ZZZ3: variants seen among roughly 807,000 people sequenced by gnomAD.
ZZZ3 encodes the protein ZZ-type zinc finger-containing protein 3.
A neutral mutation model predicts 95.2 loss-of-function variants in ZZZ3; 22 were observed. The observed-to-expected ratio is 0.23, with a 90% confidence interval of 0.17 to 0.33. ZZZ3 has a LOEUF of 0.33. ZZZ3 is among the 10% of genes least tolerant of loss of function. ZZZ3 has a pLI of 1.00. For missense variants in ZZZ3, 885 were observed against 1,066.5 expected, an observed-to-expected ratio of 0.83 and a Z score of 2.37; for synonymous variants, 335 against 358.9, an observed-to-expected ratio of 0.93 and a Z score of 0.75.
At chr1:77,576,499 C>T (rs1396560177) in intron 11 of ZZZ3, among the ~76,000 whole-genome samples, 1 of 152,100 alleles carries the variant, frequency 6.6e-6, no homozygotes, top group Non-Finnish European at 1.5e-5. Context: ...ATTTATCATA[C>T]TCTTGGCAGT....
At chr1:77,601,463 A>T (rs554732116) in intron 5 of ZZZ3, among the ~76,000 whole-genome samples, 1 of 152,330 alleles carries the variant, frequency 6.6e-6, no homozygotes, top group South Asian at 2.1e-4. Flanking sequence ...CAGTAGTTGC[A>T]AAAGTATACA....
chr1:77,673,942 A>G (rs112809014), intron 1 of ZZZ3, among the ~76,000 whole-genome samples: 3 of 152,192 alleles, frequency 2.0e-5, no homozygotes, highest in African/African-American at 7.2e-5. Context: ...CAAGTCATAA[A>G]AGTCCAAAAA....
chr1:77,636,869 C>A (rs1020136851), intron 4 of ZZZ3, among the ~76,000 whole-genome samples: 4 of 152,076 alleles, frequency 2.6e-5, no homozygotes, highest in Admixed American at 6.6e-5. Flanking sequence ...TTCTTCTGTA[C>A]CCTAAAAATG....
At chr1:77,675,749 T>A (rs1557786284) in intron 1 of ZZZ3, among the ~76,000 whole-genome samples, 1 of 152,180 alleles carries the variant, frequency 6.6e-6, no homozygotes, top group Non-Finnish European at 1.5e-5. Flanking sequence ...GCCATCACAA[T>A]TTCAAAATGT....
chr1:77,681,189 A>G lies in ZZZ3; in HGVS notation c.-403+1396T>C, dbSNP rs76092848. Among the ~76,000 whole-genome samples the G allele has an allele frequency of 4.9e-3, 752 of 152,352 alleles. 7 individuals are homozygous for G. Among genetic ancestry groups the G allele is most frequent in the African/African-American group, 0.017 (718 of 41,572 alleles). On this transcript the variant is annotated intron_variant, in intron 1 of 14. Coordinates refer to ENST00000370801, the MANE Select transcript of ZZZ3 (RefSeq NM_015534.6). ...CCAAAATATGGAAATATCTGGAATG[A>G]TACACAGCAACCACAAAGGCTGGTT...
intron 5 of ZZZ3, among the ~76,000 whole-genome samples, chr1:77,609,571 A>G (rs192659533): frequency 2.0e-5 from 3 of 152,248 alleles, no homozygotes; most frequent in Admixed American, 6.5e-5. Flanking sequence ...ATTTCATCCA[A>G]TGTCTGCAGA....
At chr1:77,659,866 C>T (rs992538241) in intron 1 of ZZZ3, among the ~76,000 whole-genome samples, 6 of 151,992 alleles carry the variant, frequency 3.9e-5, no homozygotes, top group Non-Finnish European at 8.8e-5. Flanking sequence ...GGATCTCACT[C>T]TTGTCACCCA....
At chr1:77,641,201 A>C (rs945393460) in intron 3 of ZZZ3, 183 bp downstream of exon 3, 1 of 190,528 alleles carries the variant, frequency 5.2e-6, no homozygotes, top group Non-Finnish European at 1.1e-5. Flanking sequence ...AAAGCAAAGA[A>C]CATCTACAAC....
intron 5 of ZZZ3, among the ~76,000 whole-genome samples, chr1:77,628,832 A>G (rs540340475): frequency 6.6e-6 from 1 of 152,342 alleles, no homozygotes; most frequent in South Asian, 2.1e-4. Context: ...CTACTGGTAG[A>G]GATATTCATA....
At chr1:77,677,504 G>A (rs942649167) in intron 1 of ZZZ3, among the ~76,000 whole-genome samples, 1 of 152,156 alleles carries the variant, frequency 6.6e-6, no homozygotes, top group Non-Finnish European at 1.5e-5. Flanking sequence ...AATGTTAAAT[G>A]TTGATGAGTA....
At chr1:77,635,333 T>C (rs1284673797) in intron 4 of ZZZ3, among the ~76,000 whole-genome samples, 2 of 152,152 alleles carry the variant, frequency 1.3e-5, no homozygotes, top group Non-Finnish European at 2.9e-5. Flanking sequence ...AGCCCTGGAA[T>C]TAAAGCATGG....
intron 5 of ZZZ3, chr1:77,584,954 G>C: frequency 5.4e-6 from 1 of 185,892 alleles, no homozygotes; most frequent in Non-Finnish European, 1.1e-5. Context: ...AAGTCGTTAA[G>C]AAACTGCTAG....
intron 12 of ZZZ3, among the ~76,000 whole-genome samples, chr1:77,573,477 C>T (rs909268975): frequency 2.6e-5 from 4 of 152,086 alleles, no homozygotes; most frequent in Admixed American, 2.0e-4. Context: ...TTATCTCCTC[C>T]CATAGACGAA....
intron 1 of ZZZ3, among the ~76,000 whole-genome samples, chr1:77,663,017 A>G (rs1670947595): frequency 6.6e-6 from 1 of 151,946 alleles, no homozygotes; most frequent in South Asian, 2.1e-4. Context: ...ACGTGAAAAG[A>G]TTGCCTGGGG....
intron 1 of ZZZ3, among the ~76,000 whole-genome samples, chr1:77,655,017 C>T (rs142773286): frequency 1.3e-5 from 2 of 152,208 alleles, no homozygotes; most frequent in African/African-American, 2.4e-5. Flanking sequence ...CTGGTGAGAG[C>T]CTTCTTGCTC....
chr1:77,604,977 A>G (rs1665089324), intron 5 of ZZZ3, among the ~76,000 whole-genome samples: 1 of 152,204 alleles, frequency 6.6e-6, no homozygotes, highest in Admixed American at 6.5e-5. Context: ...GGGCAGAGCA[A>G]GATAGCCGAG....
chr1:77,602,007 T>C (rs927344122), intron 5 of ZZZ3, among the ~76,000 whole-genome samples: 2 of 152,182 alleles, frequency 1.3e-5, no homozygotes, highest in Admixed American at 6.5e-5. Flanking sequence ...AATGAGGATA[T>C]GGCAGCTTAA....
chr1:77,630,425 C>T (rs1029026846), intron 5 of ZZZ3, among the ~76,000 whole-genome samples: 1 of 152,050 alleles, frequency 6.6e-6, no homozygotes, highest in Non-Finnish European at 1.5e-5. Flanking sequence ...TGCAGTGAGC[C>T]ATGATTGCAC....
intron 5 of ZZZ3, among the ~76,000 whole-genome samples, chr1:77,606,547 C>A (rs1169007057): frequency 6.6e-6 from 1 of 152,210 alleles, no homozygotes; most frequent in Non-Finnish European, 1.5e-5. Context: ...CAGTGCTGTG[C>A]TGCCTTCAAG....
Sources: gnomAD v4.1 joint callset for allele counts (sites outside exome capture counted in the v4.1 genomes callset) on GRCh38, gnomAD v4.1.1 for gene constraint, MANE v1.5 for transcripts, NCBI Gene and HGNC (gene_info 2026-07-23, HGNC 2026-07-21) for gene names.